Variants in BICRAL observed in about 807,000 individuals in gnomAD.
BICRAL encodes the protein BRD4-interacting chromatin-remodeling complex-associated protein-like.
A neutral mutation model predicts 91.8 loss-of-function variants in BICRAL; 8 were observed. The observed-to-expected ratio is 0.09, with a 90% CI of 0.05 to 0.16. The LOEUF (loss-of-function observed/expected upper bound fraction) is 0.16. BICRAL is among the 10% of genes least tolerant of loss of function. The pLI is 1.00. For synonymous variants in BICRAL, 445 were observed against 491.1 expected, an observed-to-expected ratio of 0.91 and a Z score of 1.24; for missense variants, 1,038 against 1,310.9, an observed-to-expected ratio of 0.79 and a Z score of 3.21.
chr6:42,779,672 CTTTG>C (rs745636923), upstream of BICRAL, among the ~76,000 whole-genome samples: 32 of 152,142 alleles, frequency 2.1e-4, no homozygotes, highest in Non-Finnish European at 3.2e-4. Context: ...TAGTGTTTTT[CTTTG>C]TTTGTTTTTT....
intron 2 of BICRAL, among the ~76,000 whole-genome samples, chr6:42,813,711 G>A (rs1305117396): frequency 1.3e-5 from 2 of 151,918 alleles, no homozygotes; most frequent in African/African-American, 4.8e-5. Flanking sequence ...TGTAGAGGTG[G>A]GGTTTTTCCA....
At chr6:42,770,607 G>T (rs1362166454) in intron 1 of BICRAL, among the ~76,000 whole-genome samples, 1 of 151,878 alleles carries the variant, frequency 6.6e-6, no homozygotes, top group Non-Finnish European at 1.5e-5. Flanking sequence ...GTACAGACGG[G>T]GTTTCACCAT....
At chr6:42,813,943 T>C (rs942481815) in intron 2 of BICRAL, among the ~76,000 whole-genome samples, 1 of 152,124 alleles carries the variant, frequency 6.6e-6, no homozygotes, top group Non-Finnish European at 1.5e-5. Flanking sequence ...CTGGATTTAC[T>C]TAAGAGAATG....
At chr6:42,855,546 CATGATG>C (rs113362170) in intron 8 of BICRAL, among the ~76,000 whole-genome samples, 2 of 150,618 alleles carry the variant, frequency 1.3e-5, no homozygotes, top group African/African-American at 2.5e-5. Context: ...TGTCAAAAAA[CATGATG>C]ATGATGATGA....
chr6:42,810,045 C>G (rs890155952), intron 1 of BICRAL, among the ~76,000 whole-genome samples: 1 of 152,150 alleles, frequency 6.6e-6, no homozygotes, highest in Non-Finnish European at 1.5e-5. Context: ...CCTCAGCCTC[C>G]CAAAGTGGTG....
chr6:42,831,335 G>C (rs1237712748), intron 6 of BICRAL, among the ~76,000 whole-genome samples: 1 of 152,190 alleles, frequency 6.6e-6, no homozygotes, highest in African/African-American at 2.4e-5. Flanking sequence ...GTGTGACTCA[G>C]TAGTGGGTAA....
intron 1 of BICRAL, among the ~76,000 whole-genome samples, chr6:42,799,926 G>A (rs939311064): frequency 6.6e-5 from 10 of 151,828 alleles, no homozygotes; most frequent in African/African-American, 2.2e-4. Flanking sequence ...TGTCTCCCAA[G>A]CTGGAGTGCA....
chr6:42,798,277 A>G (rs1211076582), intron 1 of BICRAL, among the ~76,000 whole-genome samples: 2 of 152,022 alleles, frequency 1.3e-5, no homozygotes, highest in African/African-American at 2.4e-5. Context: ...TGAAAGCCCA[A>G]TCCCCACCAG....
chr6:42,764,763 C>T (rs1217889196), intron 1 of BICRAL, among the ~76,000 whole-genome samples: 1 of 151,978 alleles, frequency 6.6e-6, no homozygotes. Context: ...GGGTTCATGC[C>T]ATTCTCCTGC....
intron 10 of BICRAL, among the ~76,000 whole-genome samples, chr6:42,859,371 G>A (rs923884320): frequency 2.0e-5 from 3 of 150,790 alleles, no homozygotes; most frequent in Admixed American, 6.6e-5. Flanking sequence ...CAGCCTGAGC[G>A]ACAGAGCAAG....
intron 12 of BICRAL, 140 bp downstream of exon 12, chr6:42,862,752 T>C: frequency 1.6e-6 from 1 of 615,638 alleles, no homozygotes; most frequent in African/African-American, 1.8e-5. Flanking sequence ...GCACGGTGGC[T>C]CACACCTGTA....
chr6:42,761,276 G>A (rs1334794221), intron 1 of BICRAL, among the ~76,000 whole-genome samples: 1 of 151,654 alleles, frequency 6.6e-6, no homozygotes, highest in Non-Finnish European at 1.5e-5. Context: ...CCAACGTGGT[G>A]AAACCCCCAT....
rs2114015610 is a variant in BICRAL at position 42,851,953 on chromosome 6, C to G, written c.1840-139C>G. On this transcript the variant is annotated intron_variant, in intron 6 of 12. Coordinates refer to ENST00000314073, the MANE Select transcript of BICRAL (RefSeq NM_001393499.1). ...GTTCCCCTGAAGTGATAAGAAAATA[C>G]AATTATTAAATTTTTGGTTTGTTTA... The G allele has an allele frequency of 5.0e-6, 3 of 598,366 alleles. No homozygotes were observed. In the East Asian group the frequency reaches 8.3e-5, roughly 17 times the overall value. 37.1% of individuals were successfully genotyped at this position (598,366 alleles called of 1,614,324 possible). A position where few individuals can be genotyped will look rare whatever the true frequency, so the allele number is the denominator to read the frequency against.
At chr6:42,821,435 G>A (rs1253566034) in intron 2 of BICRAL, among the ~76,000 whole-genome samples, 2 of 152,152 alleles carry the variant, frequency 1.3e-5, no homozygotes, top group African/African-American at 4.8e-5. Flanking sequence ...AACAGGGGTG[G>A]TGCTGCTGCA....
intron 1 of BICRAL, among the ~76,000 whole-genome samples, chr6:42,803,807 G>C (rs988718677): frequency 6.6e-6 from 1 of 152,166 alleles, no homozygotes; most frequent in Non-Finnish European, 1.5e-5. Context: ...GAATATCAGA[G>C]TACACTTACA....
At position 42,827,228 on chromosome 6, in the gene BICRAL, C is replaced by T. The variant is rs151209977; in HGVS notation, c.160-1265C>T. The stretch of plus-strand genomic sequence containing the variant: ...ATCATCAGGACCTATATTTTCTTCA[C>T]CTATAAAATGGAATGGTGTTCAGAA... On this transcript the variant is annotated intron_variant, in intron 5 of 12. Coordinates refer to ENST00000314073, the MANE Select transcript of BICRAL (RefSeq NM_001393499.1). 9.9e-3 allele frequency among the ~76,000 whole-genome samples: 1,513 copies of T among 152,284 alleles called. 17 individuals carry two copies. Among genetic ancestry groups the T allele is most frequent in the African/African-American group, 0.033 (1,391 of 41,534 alleles).
chr6:42,862,665 C>G, intron 12 of BICRAL, 53 bp downstream of exon 12: 1 of 1,056,734 alleles, frequency 9.5e-7, no homozygotes, highest in Non-Finnish European at 1.5e-6. Flanking sequence ...GGTTCAGGGA[C>G]CATGGGGCCT....
At chr6:42,794,029 T>G (rs1763351067) in intron 1 of BICRAL, among the ~76,000 whole-genome samples, 1 of 151,806 alleles carries the variant, frequency 6.6e-6, no homozygotes, top group Non-Finnish European at 1.5e-5. Context: ...AAAACTATGT[T>G]ACTTGTTTAT....
At chr6:42,847,307 C>G (rs766095072) in intron 6 of BICRAL, among the ~76,000 whole-genome samples, 4 of 152,144 alleles carry the variant, frequency 2.6e-5, no homozygotes, top group Admixed American at 6.6e-5. Flanking sequence ...CATAAATTAG[C>G]TGTAGATTTT....
Sources: allele counts gnomAD v4.1 joint callset (sites outside exome capture counted in the v4.1 genomes callset), GRCh38; gene constraint gnomAD v4.1.1; transcripts MANE v1.5; gene names NCBI Gene and HGNC (gene_info 2026-07-23, HGNC 2026-07-21).